OPCML: variants seen among roughly 807,000 people sequenced by gnomAD.
The protein encoded by OPCML is opioid binding protein/cell adhesion molecule like, also known as opioid-binding protein/cell adhesion molecule.
A neutral mutation model predicts 37.8 loss-of-function variants in OPCML; 13 were observed. The ratio of observed to expected loss-of-function variants is 0.34; its 90% CI spans 0.22 to 0.55. The LOEUF is 0.55. OPCML is among the 20% of genes least tolerant of loss of function. The pLI, the probability that OPCML is intolerant of heterozygous loss-of-function variation, is 0.91. For missense variants in OPCML, 341 were observed against 435.6 expected, an observed-to-expected ratio of 0.78 and a Z score of 1.93; for synonymous variants, 176 against 168.8, an observed-to-expected ratio of 1.04 and a Z score of -0.33.
At chr11:133,270,635 T>G (rs977630071) in intron 1 of OPCML, among the ~76,000 whole-genome samples, 13 of 152,166 alleles carry the variant, frequency 8.5e-5, no homozygotes, top group African/African-American at 2.9e-4. Context: ...GCTGACAGAG[T>G]GGAAACACTG....
At chr11:133,368,019 G>C (rs1015517582) in intron 1 of OPCML, among the ~76,000 whole-genome samples, 1 of 152,210 alleles carries the variant, frequency 6.6e-6, no homozygotes, top group African/African-American at 2.4e-5. Flanking sequence ...CAAAGGCTAG[G>C]TAAAAATTGA....
At chr11:132,947,149 G>T (rs549452227) in intron 1 of OPCML, among the ~76,000 whole-genome samples, 10 of 152,222 alleles carry the variant, frequency 6.6e-5, no homozygotes, top group Admixed American at 2.0e-4. Flanking sequence ...TGGAGCAGTT[G>T]CTAAATCAAC....
At chr11:133,366,803 T>C (rs551253237) in intron 1 of OPCML, among the ~76,000 whole-genome samples, 2 of 152,204 alleles carry the variant, frequency 1.3e-5, no homozygotes, top group African/African-American at 4.8e-5. Flanking sequence ...ATTTAAGAGA[T>C]GAGTGTAAAA....
intron 2 of OPCML, among the ~76,000 whole-genome samples, chr11:132,865,761 A>G (rs1591723200): frequency 6.6e-6 from 1 of 152,288 alleles, no homozygotes; most frequent in African/African-American, 2.4e-5. Flanking sequence ...CCTATATATG[A>G]GTGATTATAG....
chr11:132,857,275 C>T (rs1329484893), intron 2 of OPCML, among the ~76,000 whole-genome samples: 1 of 152,158 alleles, frequency 6.6e-6, no homozygotes, highest in Non-Finnish European at 1.5e-5. Context: ...ATTTGTATAT[C>T]TTCCATGAAG....
intron 2 of OPCML, among the ~76,000 whole-genome samples, chr11:132,872,524 G>A (rs1942845929): frequency 6.6e-6 from 1 of 152,096 alleles, no homozygotes; most frequent in Non-Finnish European, 1.5e-5. Flanking sequence ...TGCATATCTG[G>A]TGACTGGCAG....
Position 132,707,343 on chromosome 11 carries a change from C to G in OPCML, c.147-50024G>C, listed in dbSNP as rs145652483. Among the ~76,000 whole-genome samples the G allele has an allele frequency of 5.5e-3, 838 of 152,172 alleles. 3 individuals carry two copies. The highest frequency in any genetic ancestry group is 0.01 in the Middle Eastern group (3 of 294). The stretch of plus-strand genomic sequence containing the variant: ...TCAGCTCCAGCAGACCACAGGAGAT[C>G]CAGGAGTAAATGATATTATTGCTCT... On this transcript the variant is annotated intron_variant, in intron 2 of 7. Coordinates refer to ENST00000524381, the MANE Select transcript of OPCML (RefSeq NM_001012393.5).
At chr11:133,467,179 T>G (rs1445658987) in intron 1 of OPCML, among the ~76,000 whole-genome samples, 5 of 152,208 alleles carry the variant, frequency 3.3e-5, no homozygotes, top group Admixed American at 2.6e-4. Flanking sequence ...ACAAGCGCAC[T>G]GCCAGGCCCA....
chr11:132,499,343 C>CG (rs1333442160), intron 4 of OPCML, among the ~76,000 whole-genome samples: 2 of 152,178 alleles, frequency 1.3e-5, no homozygotes, highest in Non-Finnish European at 2.9e-5. Context: ...ATGCCTGTTA[C>CG]GCTGCCTCCC....
intron 1 of OPCML, among the ~76,000 whole-genome samples, chr11:133,203,797 T>A (rs842210): frequency 2.6e-5 from 4 of 151,908 alleles, no homozygotes; most frequent in African/African-American, 4.8e-5. Flanking sequence ...CGTGGCTTAC[T>A]CCTGTAATCC....
At chr11:133,132,044 G>A (rs1300429446) in intron 1 of OPCML, among the ~76,000 whole-genome samples, 1 of 152,012 alleles carries the variant, frequency 6.6e-6, no homozygotes, top group Non-Finnish European at 1.5e-5. Flanking sequence ...AGTGACAGTT[G>A]GACTTCATCA....
At chr11:133,350,239 A>G (rs994851810) in intron 1 of OPCML, among the ~76,000 whole-genome samples, 5 of 152,226 alleles carry the variant, frequency 3.3e-5, no homozygotes, top group African/African-American at 9.6e-5. Context: ...TTTAAGTGCC[A>G]CTGGGATCTT....
intron 1 of OPCML, chr11:133,420,790 A>G (rs1366312699): frequency 1.3e-5 from 13 of 985,280 alleles, no homozygotes; most frequent in Non-Finnish European, 1.6e-5. Context: ...ATTTTTCCCA[A>G]TATGGTATTA....
At chr11:133,329,433 A>G (rs1410645236) in intron 1 of OPCML, among the ~76,000 whole-genome samples, 1 of 152,196 alleles carries the variant, frequency 6.6e-6, no homozygotes. Context: ...ACTTCAAACT[A>G]TACTATGAGG....
At chr11:132,917,085 C>T (rs1001599763) in intron 2 of OPCML, among the ~76,000 whole-genome samples, 3 of 152,158 alleles carry the variant, frequency 2.0e-5, no homozygotes, top group Non-Finnish European at 4.4e-5. Context: ...ACTAATCCAT[C>T]ATCTGTGGCT....
intron 1 of OPCML, among the ~76,000 whole-genome samples, chr11:133,124,514 C>T (rs1949469922): frequency 6.6e-6 from 1 of 152,140 alleles, no homozygotes; most frequent in Non-Finnish European, 1.5e-5. Flanking sequence ...TCACAAGGGT[C>T]CCTCAACAGT....
At chr11:132,679,486 A>G (rs939801963) in intron 2 of OPCML, among the ~76,000 whole-genome samples, 1 of 152,236 alleles carries the variant, frequency 6.6e-6, no homozygotes, top group Non-Finnish European at 1.5e-5. Flanking sequence ...ATAAGACAAC[A>G]ACAAAAGATC....
At chr11:133,413,003 G>A (rs1468836680) in intron 1 of OPCML, among the ~76,000 whole-genome samples, 1 of 152,130 alleles carries the variant, frequency 6.6e-6, no homozygotes, top group African/African-American at 2.4e-5. Flanking sequence ...AGGCCCAAAT[G>A]AGAAGCACCA....
chr11:132,570,431 G>A (rs1182515646), intron 3 of OPCML, among the ~76,000 whole-genome samples: 4 of 151,946 alleles, frequency 2.6e-5, no homozygotes, highest in Non-Finnish European at 5.9e-5. Context: ...GTTTACTAAG[G>A]TCCTCATCTT....
Sources: allele counts gnomAD v4.1 joint callset (sites outside exome capture counted in the v4.1 genomes callset), GRCh38; gene constraint gnomAD v4.1.1; transcripts MANE v1.5; gene names NCBI Gene and HGNC (gene_info 2026-07-23, HGNC 2026-07-21).